DCAF5: variants seen among roughly 807,000 people sequenced by gnomAD.
The protein encoded by DCAF5 is DDB1- and CUL4-associated factor 5.
DCAF5 carries 9 observed loss-of-function variants against 80.7 expected under a neutral mutation model. The observed-to-expected ratio is 0.11, with a 90% CI of 0.07 to 0.19. DCAF5 has a LOEUF of 0.19. DCAF5 is among the 10% of genes least tolerant of loss of function. The pLI is 1.00. For missense variants in DCAF5, 842 were observed against 1,205.7 expected, an observed-to-expected ratio of 0.70 and a Z score of 4.47; for synonymous variants, 433 against 461.9, an observed-to-expected ratio of 0.94 and a Z score of 0.80.
chr14:69,125,968 A>C (rs2040860410), intron 1 of DCAF5, among the ~76,000 whole-genome samples: 1 of 152,162 alleles, frequency 6.6e-6, no homozygotes, highest in Non-Finnish European at 1.5e-5. Flanking sequence ...TGATTTTAGC[A>C]AGATTGTGAG....
At chr14:69,084,894 C>T (rs2039258760) in intron 6 of DCAF5, 1 of 1,367,228 alleles carries the variant, frequency 7.3e-7, no homozygotes, top group South Asian at 1.2e-5. Flanking sequence ...CCGGATGACC[C>T]TAAGGAATAA....
chr14:69,085,562 T>G (rs1446294964), intron 6 of DCAF5, among the ~76,000 whole-genome samples: 2 of 152,210 alleles, frequency 1.3e-5, no homozygotes, highest in South Asian at 2.1e-4. Context: ...CTCTTATTTT[T>G]GGGATATAAA....
At position 69,054,365 on chromosome 14, in the gene DCAF5, G is replaced by A. The variant is rs762843494; in HGVS notation, c.2321C>T (p.Pro774Leu). ...TCCATTGAGCTTCTTGGTTTCAAAA[G>A]GGTGCTCTACAGAGCCGCTATTGCC... ...DTGNSGSVEH[P>L]FETKKLNGKA... Residue 774 changes from proline to leucine, a missense_variant, in exon 9 of 9, where the codon CCT becomes CTT. Pro to Leu is a moderately conservative substitution (Grantham distance 98). This residue lies in a region of DCAF5 where 607 missense variants were observed against 656.6 expected (regional missense o/e 0.92). Coordinates refer to ENST00000341516, the MANE Select transcript of DCAF5 (RefSeq NM_003861.3). 2 of 1,614,138 alleles carry A rather than the reference G, an allele frequency of 1.2e-6. No homozygotes were observed. Among genetic ancestry groups the A allele is most frequent in the Non-Finnish European group, 1.7e-6 (2 of 1,180,040 alleles).
chr14:69,092,904 G>C (rs1207508698), intron 5 of DCAF5, among the ~76,000 whole-genome samples: 1 of 152,146 alleles, frequency 6.6e-6, no homozygotes, highest in Non-Finnish European at 1.5e-5. Context: ...TTTCACTAAA[G>C]AGTACTATGT....
chr14:69,082,650 C>T (rs534132842), intron 6 of DCAF5, among the ~76,000 whole-genome samples: 6 of 152,306 alleles, frequency 3.9e-5, no homozygotes, highest in Admixed American at 3.3e-4. Flanking sequence ...CATTAGCCCC[C>T]CTCCATGGGC....
chr14:69,086,781 A>G (rs1020923694), intron 6 of DCAF5, among the ~76,000 whole-genome samples: 2 of 152,136 alleles, frequency 1.3e-5, no homozygotes, highest in East Asian at 1.9e-4. Flanking sequence ...ATCCAAGGCC[A>G]TTTTGTTGGA....
At chr14:69,121,880 C>T (rs1892297) in intron 2 of DCAF5, among the ~76,000 whole-genome samples, 96,505 of 151,906 alleles carry the variant, frequency 0.64, 31,545 homozygotes, top group East Asian at 0.91. Flanking sequence ...TAAAAAAAAA[C>T]CAGAGTGTGC....
rs75191880 is a variant in DCAF5, at chr14:69,100,094, T to C, written c.666-8207A>G. Among the ~76,000 whole-genome samples the C allele has an allele frequency of 1.2e-4, 19 of 152,328 alleles. 1 individual carries two copies. In the East Asian group the frequency reaches 3.7e-3, roughly 29 times the overall value. The stretch of plus-strand genomic sequence containing the variant: ...ATTAAATACATGTCCTACCCAATTA[T>C]GCTCAAAAATAGATAGTGATATACT... On this transcript the variant is annotated intron_variant, in intron 5 of 8. Coordinates refer to ENST00000341516, the MANE Select transcript of DCAF5 (RefSeq NM_003861.3).
rs189277054 is a variant in DCAF5 at position 69,067,182 on chromosome 14, T to C, written c.947-4671A>G. On this transcript the variant is annotated intron_variant, in intron 7 of 8. Coordinates refer to ENST00000341516, the MANE Select transcript of DCAF5 (RefSeq NM_003861.3). ...AGTCTCTAGAACTGTGCCTAGCACA[T>C]AGTAAGGTTTTTAATAAATATATGA... is the stretch of plus-strand genomic sequence containing the variant. Among the ~76,000 whole-genome samples the C allele has an allele frequency of 5.3e-5, 8 of 152,204 alleles. No homozygotes were observed. In the East Asian group the frequency reaches 9.6e-4, roughly 18 times the overall value.
chr14:69,111,085 C>A (rs1046050973), intron 5 of DCAF5, among the ~76,000 whole-genome samples: 2 of 152,178 alleles, frequency 1.3e-5, no homozygotes, highest in African/African-American at 4.8e-5. Context: ...AAAGTTTCAA[C>A]AAACATCAGA....
In DCAF5 at chr14:69,135,712, T is replaced by C. The variant is rs193073234; in HGVS notation, c.215-13352A>G. Among the ~76,000 whole-genome samples, 17 of 152,296 alleles carry C rather than the reference T, an allele frequency of 1.1e-4. No homozygotes were observed. In the East Asian group the frequency reaches 2.3e-3, roughly 21 times the overall value. ...AGTAAAAATAAAAATTTTGGAAAAATTGTATTCACCATGGTGAACATAACC... is the reference window on the plus strand; with the variant it reads ...AGTAAAAATAAAAATTTTGGAAAAACTGTATTCACCATGGTGAACATAACC... On this transcript the variant is annotated intron_variant, in intron 1 of 8. Coordinates refer to ENST00000341516, the MANE Select transcript of DCAF5 (RefSeq NM_003861.3).
intron 2 of DCAF5, among the ~76,000 whole-genome samples, chr14:69,121,395 A>G (rs1280233898): frequency 1.3e-5 from 2 of 152,204 alleles, no homozygotes; most frequent in Admixed American, 6.5e-5. Context: ...GTGTAAATGT[A>G]AGAAAGGCAG....
At chr14:69,072,636 A>ACC (rs1566730763) in intron 7 of DCAF5, among the ~76,000 whole-genome samples, 12 of 150,474 alleles carry the variant, frequency 8.0e-5, no homozygotes, top group Non-Finnish European at 1.5e-4. Flanking sequence ...AAAAAAAAAA[A>ACC]AAAAAAAAAC....
chr14:69,066,468 T>C (rs1002389101), intron 7 of DCAF5, among the ~76,000 whole-genome samples: 5 of 152,130 alleles, frequency 3.3e-5, no homozygotes, highest in African/African-American at 1.2e-4. Context: ...AGTTCCTAAG[T>C]TGAGGCCAAA....
chr14:69,084,326 C>T lies in DCAF5; in HGVS notation c.879+7348G>A, dbSNP rs1412628874. The T allele has an allele frequency of 5.3e-6, 5 of 947,878 alleles. No homozygotes were observed. The South Asian group carries it at 6.4e-5, about 12-fold the overall frequency. The allele number at this position is 947,878 out of a possible 1,614,324, so 58.7% of individuals were successfully genotyped here. ...ACCAGGCTGTCTGCTGGACCATATG[C>T]AGAATATCCCAGGGTTTATGTATAA... On this transcript the variant is annotated intron_variant, in intron 6 of 8. Transcript: ENST00000341516.
At chr14:69,084,743 C>G in intron 6 of DCAF5, 1 of 1,232,586 alleles carries the variant, frequency 8.1e-7, no homozygotes, top group Non-Finnish European at 1.2e-6. Context: ...CTTGGCCATT[C>G]ATGGAAAGCA....
intron 8 of DCAF5, among the ~76,000 whole-genome samples, chr14:69,061,598 T>C (rs1055651007): frequency 6.6e-6 from 1 of 152,226 alleles, no homozygotes; most frequent in African/African-American, 2.4e-5. Context: ...TACAACCACA[T>C]GCAGTAGTTT....
rs753070645 is a variant in DCAF5, at chr14:69,054,627, C to T, written c.2059G>A (p.Gly687Arg). The change falls in exon 9 of 9, where the codon GGG becomes AGG. Residue 687 changes from glycine to arginine, a missense_variant. By Grantham distance (125) the Gly-to-Arg change is moderately radical. This residue lies in a region of DCAF5 where 607 missense variants were observed against 656.6 expected (regional missense o/e 0.92). Coordinates refer to ENST00000341516, the MANE Select transcript of DCAF5 (RefSeq NM_003861.3). ...NKDGETSLVTGEADEGRAGTS... is the reference protein window; with the variant it reads ...NKDGETSLVTREADEGRAGTS... ...CCTGCTCTCCCTTCATCTGCCTCCC[C>T]GGTCACCAAGGAGGTCTCTCCATCT... is the stretch of plus-strand genomic sequence containing the variant. The T allele has an allele frequency of 4.0e-5, 64 of 1,614,038 alleles. No individual in the cohort carries two copies. The highest frequency in any genetic ancestry group is 4.7e-5 in the Non-Finnish European group (55 of 1,180,004).
chr14:69,104,988 G>A (rs2040086836), intron 5 of DCAF5, among the ~76,000 whole-genome samples: 1 of 151,302 alleles, frequency 6.6e-6, no homozygotes, highest in African/African-American at 2.4e-5. Context: ...GATATGAGAT[G>A]GTATTAAGGA....
Sources: gnomAD v4.1 joint callset for allele counts (sites outside exome capture counted in the v4.1 genomes callset) on GRCh38, gnomAD v4.1.1 for gene constraint, gnomAD v4.1.1 regional missense constraint, MANE v1.5 for transcripts, NCBI Gene and HGNC (gene_info 2026-07-23, HGNC 2026-07-21) for gene names.